PDE2A: variants seen among roughly 807,000 people sequenced by gnomAD.
The protein encoded by PDE2A is phosphodiesterase 2A.
In PDE2A, 53 loss-of-function variants were observed where a neutral mutation model predicts 133.6. The observed-to-expected ratio is 0.40, with a 90% confidence interval of 0.32 to 0.50. The LOEUF is 0.50. Among genes scored for constraint, PDE2A ranks in the 20% least tolerant of loss-of-function variants. The pLI, the probability that PDE2A is intolerant of heterozygous loss-of-function variation, is 0.73. For missense variants in PDE2A, 796 were observed against 1,232.4 expected (o/e 0.65, Z 5.30); for synonymous variants, 491 against 490.2 (o/e 1.00, Z -0.02).
At chr11:72,656,242 TGTTACCTCGGGACCTCA>T (rs1295768989) in intron 1 of PDE2A, among the ~76,000 whole-genome samples, 1 of 152,174 alleles carries the variant, frequency 6.6e-6, no homozygotes, top group Non-Finnish European at 1.5e-5. Flanking sequence ...AATGAGTCAC[TGTTACCTCGGGACCTCA>T]GTTTCTTCAT....
intron 2 of PDE2A, among the ~76,000 whole-genome samples, chr11:72,624,787 C>G (rs1411656353): frequency 6.6e-6 from 1 of 152,256 alleles, no homozygotes. Context: ...CTGTACACAT[C>G]TGCTATCATG....
In PDE2A at chr11:72,590,266, C is replaced by A; in HGVS notation, c.704-22G>T. On this transcript the variant is annotated intron_variant, in intron 8 of 30. Transcript: ENST00000334456. The surrounding 1 kb of genome is among the most constrained non-coding windows in gnomAD (Gnocchi z 4.8). ...TCCCCTGCAAGGGCCAGGCGCCGGT[C>A]AGAGAGAGGGCCCCTCCGCACCTCC... The A allele has an allele frequency of 6.4e-7, 1 of 1,550,766 alleles. No homozygotes were observed. Among genetic ancestry groups the A allele is most frequent in the South Asian group, 1.2e-5 (1 of 84,006 alleles).
chr11:72,597,442 C>T lies in PDE2A; in HGVS notation c.433+68G>A. 1.2e-6 allele frequency: 1 copy of T among 858,290 alleles called. No homozygotes were observed. The allele number at this position is 858,290 out of a possible 1,614,324, so 53.2% of individuals were successfully genotyped here. On this transcript the variant is annotated intron_variant, in intron 5 of 30. Coordinates refer to ENST00000334456, the MANE Select transcript of PDE2A (RefSeq NM_002599.5). The surrounding 1 kb of genome is among the most constrained non-coding windows in gnomAD (Gnocchi z 4.6). ...GAAGAGGAATAGAAGACACACATGA[C>T]CTGGAGTGCAGGGGCCACAGTCCCT...
intron 19 of PDE2A, 89 bp downstream of exon 19, chr11:72,584,112 A>C: frequency 1.4e-6 from 1 of 722,098 alleles, no homozygotes; most frequent in East Asian, 2.7e-5. Context: ...TCAATCCACA[A>C]GGAGAGTCAG....
rs1202459181 is a variant in PDE2A at position 72,671,624 on chromosome 11, G to A, written c.71+2513C>T. On this transcript the variant is annotated intron_variant, in intron 1 of 30. Transcript: ENST00000334456. ...GTGGGCAGGGGGAATGACTGCGGGG[G>A]GTGGGGGTGCAGGGAGCATAAAGAC... 2.0e-5 allele frequency among the ~76,000 whole-genome samples: 3 copies of A among 152,128 alleles called. No individual in the cohort carries two copies. The East Asian group carries it at 5.8e-4, about 29-fold the overall frequency.
chr11:72,577,261 C>G lies in PDE2A; in HGVS notation c.*123G>C. ...GAGGCCCAGGAAGGTAGTACTTGTC[C>G]AGGGTCACACAGGAAGTCCTGGTCT... On this transcript the variant is annotated 3_prime_UTR_variant, in exon 31 of 31. Coordinates refer to ENST00000334456, the MANE Select transcript of PDE2A (RefSeq NM_002599.5). 1 of 673,468 alleles carries G rather than the reference C, an allele frequency of 1.5e-6. No individual in the cohort carries two copies. The highest frequency in any genetic ancestry group is 2.5e-6 in the Non-Finnish European group (1 of 394,954). 41.7% of individuals were successfully genotyped at this position (673,468 alleles called of 1,614,324 possible). A position where few individuals can be genotyped will look rare whatever the true frequency, so the allele number is the denominator to read the frequency against.
At chr11:72,660,391 C>A (rs1024496021) in intron 1 of PDE2A, among the ~76,000 whole-genome samples, 4 of 152,176 alleles carry the variant, frequency 2.6e-5, no homozygotes, top group African/African-American at 9.7e-5. Context: ...GGTGCTCACA[C>A]AGGAGGTGTT....
At chr11:72,629,252 TGCAGAGG>T (rs112752829) in intron 2 of PDE2A, among the ~76,000 whole-genome samples, 8,416 of 152,230 alleles carry the variant, frequency 0.055, 776 homozygotes, top group African/African-American at 0.19. Context: ...AACTTGAACC[TGCAGAGG>T]GCAGGCAGAT....
intron 20 of PDE2A, 144 bp downstream of exon 20, chr11:72,583,294 G>A: frequency 1.6e-6 from 1 of 631,384 alleles, no homozygotes; most frequent in South Asian, 1.9e-5. Context: ...GCAGGGGTGG[G>A]AGCTGCCCCT....
rs1051051431 is a variant in PDE2A, at chr11:72,579,025, T to C, written c.2357-16A>G. 1.3e-6 allele frequency: 2 copies of C among 1,565,320 alleles called. No homozygotes were observed. The highest frequency in any genetic ancestry group is 2.7e-5 in the African/African-American group (2 of 74,026). ...TCGTAGCCCACTGTTGAGGGGAGGA[T>C]GGGGTCAAGGAGCGGGGCCCAGCCT... On this transcript the variant is annotated splice_polypyrimidine_tract_variant and intron_variant, in intron 27 of 30. Coordinates refer to ENST00000334456, the MANE Select transcript of PDE2A (RefSeq NM_002599.5).
intron 1 of PDE2A, among the ~76,000 whole-genome samples, chr11:72,656,127 A>C (rs1418610671): frequency 2.0e-5 from 3 of 152,184 alleles, no homozygotes; most frequent in Non-Finnish European, 4.4e-5. Context: ...ACCATGCTGC[A>C]CAGTGGGGTG....
chr11:72,577,797 G>GC (rs1855534714), intron 30 of PDE2A, among the ~76,000 whole-genome samples: 1 of 152,112 alleles, frequency 6.6e-6, no homozygotes. Context: ...AAATGGTGAA[G>GC]CCCCATCTCT....
chr11:72,641,074 C>T (rs1375496572), intron 2 of PDE2A, among the ~76,000 whole-genome samples: 1 of 152,204 alleles, frequency 6.6e-6, no homozygotes, highest in Admixed American at 6.5e-5. Context: ...CAAACACATA[C>T]ACTATAGACC....
chr11:72,640,058 C>G (rs1340113795), intron 2 of PDE2A, among the ~76,000 whole-genome samples: 2 of 152,056 alleles, frequency 1.3e-5, no homozygotes, highest in Non-Finnish European at 2.9e-5. Flanking sequence ...ATCCTCCACT[C>G]ACTCCTCACC....
chr11:72,616,536 C>T (rs1027001948), intron 2 of PDE2A, among the ~76,000 whole-genome samples: 2 of 152,232 alleles, frequency 1.3e-5, no homozygotes, highest in Non-Finnish European at 2.9e-5. Flanking sequence ...GACTACTGTA[C>T]TGTGAGGGCT....
intron 6 of PDE2A, among the ~76,000 whole-genome samples, chr11:72,591,729 C>T (rs887012755): frequency 3.9e-5 from 6 of 152,228 alleles, no homozygotes; most frequent in Admixed American, 2.0e-4. Flanking sequence ...CCTCAGCCTC[C>T]CGGCTCTATC....
intron 2 of PDE2A, among the ~76,000 whole-genome samples, chr11:72,632,914 T>G (rs1858485148): frequency 6.6e-6 from 1 of 152,026 alleles, no homozygotes; most frequent in Non-Finnish European, 1.5e-5. Flanking sequence ...ATTTCAAGTG[T>G]GGGGAAAGTG....
chr11:72,579,507 T>TGCCCC, intron 26 of PDE2A, 27 bp downstream of exon 26: 7 of 1,354,170 alleles, frequency 5.2e-6, no homozygotes, highest in Non-Finnish European at 7.3e-6. Flanking sequence ...TCCCCCTCAA[T>TGCCCC]CCCCACCCCA....
At chr11:72,639,651 C>G (rs1028719608) in intron 2 of PDE2A, among the ~76,000 whole-genome samples, 1 of 152,208 alleles carries the variant, frequency 6.6e-6, no homozygotes, top group African/African-American at 2.4e-5. Context: ...GCCCCAAACA[C>G]CAGTCAAACT....
Sources: gnomAD v4.1 joint callset for allele counts (sites outside exome capture counted in the v4.1 genomes callset) on GRCh38, gnomAD v4.1.1 for gene constraint, Gnocchi (gnomAD v3.1) non-coding constraint, MANE v1.5 for transcripts, NCBI Gene and HGNC (gene_info 2026-07-23, HGNC 2026-07-21) for gene names.